Variants in SCRN1 observed in about 807,000 individuals in gnomAD.
SCRN1 encodes the protein secernin-1.
Under a neutral mutation model 43.3 loss-of-function variants are expected in SCRN1, and 19 were observed. That is an observed-to-expected ratio of 0.44 (90% confidence interval 0.31 to 0.64). The LOEUF (loss-of-function observed/expected upper bound fraction) is 0.64. Ranked by LOEUF, SCRN1 falls within the 30% of genes least tolerant of loss-of-function variation. SCRN1 has a pLI of 0.09. For missense variants in SCRN1, 447 were observed against 524.1 expected (o/e 0.85, Z 1.44); for synonymous variants, 183 against 188.9 (o/e 0.97, Z 0.26).
At chr7:29,955,102 G>C in intron 3 of SCRN1, 77 bp downstream of exon 3, 1 of 1,297,310 alleles carries the variant, frequency 7.7e-7, no homozygotes. Flanking sequence ...AAAAATGCAA[G>C]GTTTAGGGAG....
chr7:29,955,753 C>G (rs1788116797), intron 2 of SCRN1, among the ~76,000 whole-genome samples: 1 of 152,200 alleles, frequency 6.6e-6, no homozygotes, highest in Non-Finnish European at 1.5e-5. Flanking sequence ...AGATAGAAAG[C>G]AGGTAAAAGG....
At chr7:29,957,100 T>C (rs190883467) in intron 2 of SCRN1, among the ~76,000 whole-genome samples, 3 of 152,368 alleles carry the variant, frequency 2.0e-5, no homozygotes, top group Admixed American at 2.0e-4. Context: ...TACAGGTTTT[T>C]AAAAGGGCAG....
At chr7:29,976,385 CATAGAA>C (rs1383613160) in intron 1 of SCRN1, among the ~76,000 whole-genome samples, 2 of 152,060 alleles carry the variant, frequency 1.3e-5, no homozygotes, top group African/African-American at 4.8e-5. Context: ...TAGTAAAACT[CATAGAA>C]ATAGAAAGTA....
chr7:29,965,248 A>G lies in SCRN1; in HGVS notation c.159+3661T>C, dbSNP rs1788449846. On this transcript the variant is annotated intron_variant, in intron 2 of 7. Transcript: ENST00000242059. The surrounding 1 kb of genome is among the most constrained non-coding windows in gnomAD (Gnocchi z 4.2). ...AGCTTGGACTCTCATCCTGTAAACA[A>G]AACGAAACACTTTTCAGCAAGGGAG... Among the ~76,000 whole-genome samples the G allele has an allele frequency of 6.6e-6, 1 of 152,222 alleles. No individual in the cohort carries two copies. Among genetic ancestry groups the G allele is most frequent in the African/African-American group, 2.4e-5 (1 of 41,456 alleles).
intron 3 of SCRN1, among the ~76,000 whole-genome samples, chr7:29,954,222 T>C (rs1788050988): frequency 6.6e-6 from 1 of 152,048 alleles, no homozygotes; most frequent in African/African-American, 2.4e-5. Context: ...TGCTGTGTAG[T>C]GGCTGGGAGA....
intron 1 of SCRN1, among the ~76,000 whole-genome samples, chr7:29,970,677 AAC>A (rs1788640351): frequency 1.3e-5 from 2 of 152,344 alleles, no homozygotes; most frequent in South Asian, 4.1e-4. Flanking sequence ...ATGAGTGATA[AAC>A]AAGGGTTCTT....
At chr7:29,981,555 A>T (rs1240870829) in intron 1 of SCRN1, among the ~76,000 whole-genome samples, 2 of 152,180 alleles carry the variant, frequency 1.3e-5, no homozygotes, top group Non-Finnish European at 2.9e-5. Flanking sequence ...AGAAGAAGAG[A>T]TCATGAACCA....
chr7:29,987,395 T>C (rs1042394877), intron 1 of SCRN1, among the ~76,000 whole-genome samples: 1 of 152,154 alleles, frequency 6.6e-6, no homozygotes, highest in Non-Finnish European at 1.5e-5. Flanking sequence ...TTAGAAACAG[T>C]CGAAAAAAAT....
intron 1 of SCRN1, among the ~76,000 whole-genome samples, chr7:29,977,628 G>A (rs1031011813): frequency 6.6e-6 from 1 of 152,164 alleles, no homozygotes; most frequent in Non-Finnish European, 1.5e-5. Context: ...TAAAGCTTTG[G>A]GACTCCACAG....
chr7:29,955,390 C>T (rs766985654), intron 2 of SCRN1, 30 bp from the exon 3 acceptor site: 2 of 1,604,122 alleles, frequency 1.2e-6, no homozygotes, highest in South Asian at 2.2e-5. Context: ...AAGAAAGCGC[C>T]ATCACCTGTC....
chr7:29,946,567 T>C (rs1562809279), intron 3 of SCRN1, among the ~76,000 whole-genome samples: 2 of 152,248 alleles, frequency 1.3e-5, no homozygotes, highest in African/African-American at 4.8e-5. Flanking sequence ...CAGTGTACTC[T>C]TCTGATGTTC....
intron 1 of SCRN1, among the ~76,000 whole-genome samples, chr7:29,988,365 GA>G (rs1187029841): frequency 3.9e-5 from 6 of 152,104 alleles, no homozygotes; most frequent in African/African-American, 9.7e-5. Context: ...GATAAGTTAG[GA>G]AAAATAATTA....
Position 29,924,105 on chromosome 7 carries a change from C to G in SCRN1, c.1097G>C (p.Arg366Pro). The G allele has an allele frequency of 6.2e-7, 1 of 1,610,534 alleles. No homozygotes were observed. Among genetic ancestry groups the G allele is most frequent in the South Asian group, 1.1e-5 (1 of 90,524 alleles). Reference sequence around the variant, plus strand: ...CTCCAGCATGGTGCTCCTCAGCTTGCGACCTTGCTCCTGAGGAAGGACACG... The same window carrying G: ...CTCCAGCATGGTGCTCCTCAGCTTGGGACCTTGCTCCTGAGGAAGGACACG... ...AIIESDQEQGRKLRSTMLELE... is the reference protein window; with the variant it reads ...AIIESDQEQGPKLRSTMLELE... The change falls in exon 8 of 8, where the codon CGC (arginine) becomes CCC (proline). Residue 366 changes from arginine (R) to proline (P), a missense_variant. By Grantham distance (103) the Arg-to-Pro change is moderately radical (BLOSUM62 -2). Transcript: ENST00000242059.
At chr7:29,966,159 C>CAGACAGAGAGAGAGAGAGAGAG (rs1310111629) in intron 2 of SCRN1, among the ~76,000 whole-genome samples, 2 of 84,406 alleles carry the variant, frequency 2.4e-5, no homozygotes. Flanking sequence ...GACCGAGAGA[C>CAGACAGAGAGAGAGAGAGAGAG]AGAGAGAGAG....
Position 29,955,370 on chromosome 7 carries a change from A to G in SCRN1, c.160-10T>C, listed in dbSNP as rs1362821171. 2.5e-6 allele frequency: 4 copies of G among 1,612,248 alleles called. No individual in the cohort carries two copies. In the East Asian group the frequency reaches 8.9e-5, roughly 36 times the overall value. ...TTGAAATGTAAGTGCACTGAAAAAC[A>G]AACACAGGAAAGAAAGCGCCATCAC... On this transcript the variant is annotated splice_polypyrimidine_tract_variant and intron_variant, in intron 2 of 7. Transcript: ENST00000242059.
Position 29,923,974 on chromosome 7 carries a change from T to C in SCRN1, c.1228A>G (p.Ile410Val), listed in dbSNP as rs763495126. ...DLFYDCVDTEIKFFK is the reference protein window; with the variant it reads ...DLFYDCVDTEVKFFK ...CGCTTACTTCACTTAAAGAACTTAA[T>C]CTCCGTGTCAACACAGTCATAGAAA... The change falls in exon 8 of 8, where the codon ATT (isoleucine) becomes GTT (valine). Residue 410 changes from isoleucine to valine, a missense_variant. Coordinates refer to ENST00000242059, the MANE Select transcript of SCRN1 (RefSeq NM_014766.5). 15 of 1,612,572 alleles carry C rather than the reference T, an allele frequency of 9.3e-6. No homozygotes were observed. The highest frequency in any genetic ancestry group is 4.0e-5 in the African/African-American group (3 of 74,838).
intron 2 of SCRN1, 120 bp downstream of exon 2, chr7:29,968,789 C>G (rs1788575636): frequency 8.0e-7 from 1 of 1,243,934 alleles, no homozygotes; most frequent in African/African-American, 1.5e-5. Flanking sequence ...CAGGAATCAG[C>G]AGAACTGACA....
chr7:29,947,354 C>T (rs995972644), intron 3 of SCRN1: 169 of 1,546,944 alleles, frequency 1.1e-4, no homozygotes, highest in Non-Finnish European at 1.4e-4. Context: ...CTGTACTTCT[C>T]CTGCTTAAAG....
chr7:29,990,014 C>T, upstream of SCRN1: 3 of 1,451,526 alleles, frequency 2.1e-6, no homozygotes, highest in Non-Finnish European at 2.7e-6. Flanking sequence ...GAAAGTGGCC[C>T]CCTCTTTGCT....
Sources: gnomAD v4.1 joint callset for allele counts (sites outside exome capture counted in the v4.1 genomes callset) on GRCh38, gnomAD v4.1.1 for gene constraint, Gnocchi (gnomAD v3.1) non-coding constraint, MANE v1.5 for transcripts, NCBI Gene and HGNC (gene_info 2026-07-23, HGNC 2026-07-21) for gene names.